VPS13B: variants seen among roughly 807,000 people sequenced by gnomAD.
The protein encoded by VPS13B is vacuolar protein sorting 13 homolog B, also known as intermembrane lipid transfer protein VPS13B.
In VPS13B, 285 loss-of-function variants were observed where a neutral mutation model predicts 426.4. The ratio of observed to expected loss-of-function variants is 0.67; its 90% CI spans 0.61 to 0.74. The LOEUF (loss-of-function observed/expected upper bound fraction) is 0.74, where lower values mean the gene tolerates loss of function less well. Among genes scored for constraint, VPS13B ranks in the 30% least tolerant of loss-of-function variants. VPS13B has a pLI of 0.00. For missense variants in VPS13B, 4,537 were observed against 4,782.6 expected (o/e 0.95, Z 1.51); for synonymous variants, 1,676 against 1,676.4 (o/e 1.00, Z 0.01).
At chr8:99,285,309 C>A (rs547820091) in intron 19 of VPS13B, among the ~76,000 whole-genome samples, 11 of 152,246 alleles carry the variant, frequency 7.2e-5, no homozygotes, top group African/African-American at 2.6e-4. Flanking sequence ...TGGAAGGATG[C>A]CAGAGGGAGA....
chr8:99,417,527 A>G (rs927233404), intron 21 of VPS13B, among the ~76,000 whole-genome samples: 1 of 152,052 alleles, frequency 6.6e-6, no homozygotes, highest in Non-Finnish European at 1.5e-5. Context: ...GCTTTAGCTC[A>G]TTTACTCCCC....
At chr8:99,641,531 T>C (rs1829358926) in intron 33 of VPS13B, among the ~76,000 whole-genome samples, 1 of 152,204 alleles carries the variant, frequency 6.6e-6, no homozygotes, top group Admixed American at 6.6e-5. Context: ...TATGCTATTC[T>C]GTATTAATGC....
chr8:99,060,021 C>A (rs756317927), intron 3 of VPS13B, among the ~76,000 whole-genome samples: 5 of 152,106 alleles, frequency 3.3e-5, no homozygotes, highest in Admixed American at 2.6e-4. Flanking sequence ...TAGGCGTGAG[C>A]CACTCTGCAG....
At chr8:99,128,630 C>A (rs961571200) in intron 8 of VPS13B, among the ~76,000 whole-genome samples, 7 of 151,306 alleles carry the variant, frequency 4.6e-5, no homozygotes, top group African/African-American at 1.7e-4. Flanking sequence ...TATTTCATGT[C>A]TGCATTTTTG....
chr8:99,249,644 C>T (rs1370154792), intron 17 of VPS13B, among the ~76,000 whole-genome samples: 3 of 152,164 alleles, frequency 2.0e-5, no homozygotes, highest in Admixed American at 1.3e-4. Flanking sequence ...AGGATGGTCT[C>T]GATCTCCTGA....
At chr8:99,837,101 A>G (rs1173100700) in intron 54 of VPS13B, among the ~76,000 whole-genome samples, 1 of 152,128 alleles carries the variant, frequency 6.6e-6, no homozygotes, top group Admixed American at 6.6e-5. Flanking sequence ...GCTCCTGTGA[A>G]GTGTATTTGT....
chr8:99,073,041 T>G (rs1373729160), intron 3 of VPS13B, among the ~76,000 whole-genome samples: 1 of 152,156 alleles, frequency 6.6e-6, no homozygotes. Context: ...CCTGTAGGTT[T>G]GTTCTTTTTG....
At chr8:99,869,081 G>A (rs1044786685) in intron 59 of VPS13B, among the ~76,000 whole-genome samples, 10 of 152,246 alleles carry the variant, frequency 6.6e-5, no homozygotes, top group Admixed American at 6.5e-4. Flanking sequence ...ATGGGTGCCT[G>A]TGAAAGGAAG....
chr8:99,362,781 G>A (rs1354039614), intron 19 of VPS13B, among the ~76,000 whole-genome samples: 1 of 152,210 alleles, frequency 6.6e-6, no homozygotes, highest in African/African-American at 2.4e-5. Flanking sequence ...AAACATGGGA[G>A]TGCAGATATC....
At chr8:99,031,754 T>G (rs1842517258) in intron 2 of VPS13B, among the ~76,000 whole-genome samples, 3 of 152,210 alleles carry the variant, frequency 2.0e-5, no homozygotes, top group Admixed American at 2.0e-4. Flanking sequence ...TGAGGAATGC[T>G]AGGCAGGCTG....
intron 35 of VPS13B, among the ~76,000 whole-genome samples, chr8:99,689,653 T>G (rs1831566723): frequency 6.6e-6 from 1 of 152,140 alleles, no homozygotes. Flanking sequence ...TCCAATCTAT[T>G]GAAAAAAGAG....
chr8:99,832,285 G>C lies in VPS13B; in HGVS notation c.9331-84G>C, dbSNP rs1020016282. 14 of 1,416,832 alleles carry C rather than the reference G, an allele frequency of 9.9e-6. No homozygotes were observed. The South Asian group carries it at 1.8e-4, about 18-fold the overall frequency. The allele number at this position is 1,416,832 out of a possible 1,614,324, so 87.8% of individuals were successfully genotyped here. On this transcript the variant is annotated intron_variant, in intron 51 of 61. Coordinates refer to ENST00000357162, the MANE Select transcript of VPS13B (RefSeq NM_152564.5). ...AAAAAAAAAAAAGAAAAGAAAAGAA[G>C]ATATGCTTTAAAAAGTTTAATTCTG...
At chr8:99,642,558 A>G (rs991299644) in intron 34 of VPS13B, 60 bp downstream of exon 34, 1 of 1,439,726 alleles carries the variant, frequency 6.9e-7, no homozygotes, top group African/African-American at 1.4e-5. Flanking sequence ...TTGTATTCCC[A>G]TAGTTTCCAG....
chr8:99,183,046 A>G (rs189095151), intron 16 of VPS13B, among the ~76,000 whole-genome samples: 4 of 152,244 alleles, frequency 2.6e-5, no homozygotes, highest in Non-Finnish European at 5.9e-5. Flanking sequence ...GCTGTGGAAG[A>G]CTATATTTAA....
intron 34 of VPS13B, among the ~76,000 whole-genome samples, chr8:99,645,005 C>G (rs1829524276): frequency 6.6e-6 from 1 of 152,138 alleles, no homozygotes; most frequent in Non-Finnish European, 1.5e-5. Context: ...GGTCACAGAC[C>G]TAGCAATAAA....
At chr8:99,364,599 A>G (rs776361599) in intron 19 of VPS13B, among the ~76,000 whole-genome samples, 6 of 151,876 alleles carry the variant, frequency 4.0e-5, no homozygotes, top group Admixed American at 6.6e-5. Context: ...TGCACAACTA[A>G]TTTTTGTATT....
At chr8:99,779,167 A>T in intron 42 of VPS13B, 136 bp downstream of exon 42, 1 of 887,458 alleles carries the variant, frequency 1.1e-6, no homozygotes. Context: ...GCACCATTAT[A>T]CTTGAGGCCT....
intron 2 of VPS13B, among the ~76,000 whole-genome samples, chr8:99,021,873 A>G (rs1016065859): frequency 4.6e-5 from 7 of 152,112 alleles, no homozygotes; most frequent in Non-Finnish European, 1.0e-4. Context: ...TCAGCCTCCC[A>G]AAGTGTTGGG....
chr8:99,582,877 G>C (rs534936655), intron 33 of VPS13B, among the ~76,000 whole-genome samples: 28 of 152,230 alleles, frequency 1.8e-4, no homozygotes, highest in South Asian at 6.2e-4. Flanking sequence ...GGATGGTCTC[G>C]ATCTCCTGAC....
Sources: allele counts gnomAD v4.1 joint callset (sites outside exome capture counted in the v4.1 genomes callset), GRCh38; gene constraint gnomAD v4.1.1; transcripts MANE v1.5; gene names NCBI Gene and HGNC (gene_info 2026-07-23, HGNC 2026-07-21).